FRMD4B: variants seen among roughly 807,000 people sequenced by gnomAD.
FRMD4B encodes the protein FERM domain-containing protein 4B.
A neutral mutation model predicts 141.5 loss-of-function variants in FRMD4B; 74 were observed. The ratio of observed to expected loss-of-function variants is 0.52; its 90% CI spans 0.43 to 0.63. The LOEUF is 0.63. Among genes scored for constraint, FRMD4B ranks in the 30% least tolerant of loss-of-function variants. The pLI is 0.00. For synonymous variants in FRMD4B, 506 were observed against 467.9 expected (o/e 1.08, Z -1.05); for missense variants, 1,366 against 1,253.4 (o/e 1.09, Z -1.36).
chr3:69,465,772 T>A (rs1338433172), intron 1 of FRMD4B, among the ~76,000 whole-genome samples: 1 of 152,236 alleles, frequency 6.6e-6, no homozygotes, highest in Non-Finnish European at 1.5e-5. Flanking sequence ...GTGCCATATT[T>A]TCTTTATCCA....
chr3:69,461,118 C>G (rs1436602515), intron 1 of FRMD4B, among the ~76,000 whole-genome samples: 2 of 152,224 alleles, frequency 1.3e-5, no homozygotes, highest in African/African-American at 2.4e-5. Flanking sequence ...TCTAAAGCAG[C>G]TCTCTCTGCG....
At chr3:69,472,472 T>G (rs1274946543) in intron 1 of FRMD4B, 1 of 414,852 alleles carries the variant, frequency 2.4e-6, no homozygotes, top group African/African-American at 2.1e-5. Flanking sequence ...GTACAACCAG[T>G]TGTAGTTACA....
intron 5 of FRMD4B, among the ~76,000 whole-genome samples, chr3:69,280,252 G>T (rs10049350): frequency 0.95 from 145,241 of 152,198 alleles, 69,694 homozygotes; most frequent in East Asian, 1. Context: ...AGGCAAGGTG[G>T]GCCCCTCTGC....
At chr3:69,455,826 A>C (rs879489148) in intron 1 of FRMD4B, among the ~76,000 whole-genome samples, 1 of 152,168 alleles carries the variant, frequency 6.6e-6, no homozygotes, top group Non-Finnish European at 1.5e-5. Flanking sequence ...GCTGGCTCCC[A>C]CTGTGTGAGT....
intron 1 of FRMD4B, among the ~76,000 whole-genome samples, chr3:69,493,300 A>G (rs1348109750): frequency 6.6e-6 from 1 of 152,202 alleles, no homozygotes; most frequent in Non-Finnish European, 1.5e-5. Flanking sequence ...AGACTTACAA[A>G]CTCAAAATGC....
intron 1 of FRMD4B, among the ~76,000 whole-genome samples, chr3:69,316,706 G>T (rs1701813869): frequency 6.6e-6 from 1 of 152,082 alleles, no homozygotes; most frequent in Non-Finnish European, 1.5e-5. Context: ...CCTACAGAAA[G>T]ATATAAAAAA....
At chr3:69,436,452 T>C (rs535138304) in intron 1 of FRMD4B, among the ~76,000 whole-genome samples, 1 of 152,288 alleles carries the variant, frequency 6.6e-6, no homozygotes, top group East Asian at 1.9e-4. Flanking sequence ...GAAGTGTTGG[T>C]GAGAATGTGG....
chr3:69,475,941 T>C (rs1705988595), intron 1 of FRMD4B, among the ~76,000 whole-genome samples: 2 of 151,836 alleles, frequency 1.3e-5, no homozygotes, highest in Non-Finnish European at 2.9e-5. Flanking sequence ...TTGATTTGCA[T>C]TTCTCTGATG....
chr3:69,530,599 T>C (rs146292457), intron 1 of FRMD4B, among the ~76,000 whole-genome samples: 2 of 152,232 alleles, frequency 1.3e-5, no homozygotes, highest in Admixed American at 6.5e-5. Context: ...GGTATACCTT[T>C]ATAGCAACAC....
At chr3:69,197,088 A>G (rs201085646) in intron 12 of FRMD4B, 50 bp from the exon 13 acceptor site, 46 of 1,500,824 alleles carry the variant, frequency 3.1e-5, no homozygotes, top group Non-Finnish European at 4.0e-5. Context: ...GCCCAGCATG[A>G]TGCAAAATGT....
Position 69,424,212 on chromosome 3 carries a change from T to A in FRMD4B, c.-1+8422A>T, listed in dbSNP as rs75675294. ...TATAGCAGCATAACTTATTTCCCCC[T>A]AGGTGTGATGTTTCAGTATTTGCTA... On this transcript the variant is annotated intron_variant, in intron 2 of 5. Coordinates refer to the FRMD4B transcript ENST00000459638. Among the ~76,000 whole-genome samples, 1,229 of 152,328 alleles carry A rather than the reference T, an allele frequency of 8.1e-3. 33 individuals are homozygous for A. The East Asian group carries it at 0.092, about 11-fold the overall frequency.
chr3:69,230,130 C>G (rs992527748), intron 7 of FRMD4B, among the ~76,000 whole-genome samples: 2 of 152,012 alleles, frequency 1.3e-5, no homozygotes, highest in Admixed American at 6.6e-5. Context: ...CGCCCTCCGC[C>G]ACGCCTGGCT....
At chr3:69,414,955 T>A (rs914615311) in intron 2 of FRMD4B, among the ~76,000 whole-genome samples, 7 of 132,380 alleles carry the variant, frequency 5.3e-5, no homozygotes. Flanking sequence ...AACCTCCGCC[T>A]CCCGGGTTCA....
intron 1 of FRMD4B, among the ~76,000 whole-genome samples, chr3:69,343,643 G>A (rs559152706): frequency 4.8e-5 from 7 of 146,210 alleles, no homozygotes; most frequent in African/African-American, 1.8e-4. Flanking sequence ...GCAGTGGTGT[G>A]ATCCCGGCTC....
intron 7 of FRMD4B, among the ~76,000 whole-genome samples, chr3:69,248,108 A>G (rs140220391): frequency 5.5e-4 from 84 of 151,478 alleles, no homozygotes; most frequent in African/African-American, 2.0e-3. Context: ...GTGAGCCTTT[A>G]ATGATACTAA....
rs189927519 is a variant in FRMD4B, at chr3:69,353,525, A to T, written c.162+32303T>A. On this transcript the variant is annotated intron_variant, in intron 1 of 22. Transcript: ENST00000398540. ...ACACAGTCTGCAACTGGAAGATCAT[A>T]AAAAAAAATCATTCTTACCTCCGAA... 9.8e-6 allele frequency: 9 copies of T among 917,186 alleles called. No homozygotes were observed. The East Asian group carries it at 5.9e-4, about 60-fold the overall frequency. 56.8% of individuals were successfully genotyped at this position (917,186 alleles called of 1,614,324 possible). A position where few individuals can be genotyped will look rare whatever the true frequency, so the allele number is the denominator to read the frequency against.
At position 69,196,287 on chromosome 3, in the gene FRMD4B, A is replaced by G. The variant is rs750708447; in HGVS notation, c.1202T>C (p.Ile401Thr). 2 of 1,608,962 alleles carry G rather than the reference A, an allele frequency of 1.2e-6. No individual in the cohort carries two copies. The highest frequency in any genetic ancestry group is 2.2e-5 in the South Asian group (2 of 90,028). Reference protein sequence around the residue: ...LVTLETKSQFIMASNGSLISS... With the variant: ...LVTLETKSQFTMASNGSLISS... ...GATTAAACTGCCATTACTTGCCATGATGAACTGACTTTTCGTCTCCAGTGT... is the reference window on the plus strand; with the variant it reads ...GATTAAACTGCCATTACTTGCCATGGTGAACTGACTTTTCGTCTCCAGTGT... The change falls in exon 14 of 23, where the codon ATC (isoleucine) becomes ACC (threonine). Residue 401 changes from isoleucine (I) to threonine (T), a missense_variant. By Grantham distance (89) the Ile-to-Thr change is moderately conservative. Transcript: ENST00000398540.
At chr3:69,217,525 G>C (rs190926950) in intron 10 of FRMD4B, among the ~76,000 whole-genome samples, 11 of 152,302 alleles carry the variant, frequency 7.2e-5, no homozygotes, top group African/African-American at 2.2e-4. Context: ...TGTGGGCTGA[G>C]GCAGGAGAAT....
intron 1 of FRMD4B, among the ~76,000 whole-genome samples, chr3:69,352,708 T>G (rs966005478): frequency 6.6e-6 from 1 of 152,212 alleles, no homozygotes; most frequent in African/African-American, 2.4e-5. Flanking sequence ...TGACAAATCA[T>G]AAAAGTTTTA....
Sources: gnomAD v4.1 joint callset for allele counts (sites outside exome capture counted in the v4.1 genomes callset) on GRCh38, gnomAD v4.1.1 for gene constraint, MANE v1.5 for transcripts, NCBI Gene and HGNC (gene_info 2026-07-23, HGNC 2026-07-21) for gene names.